The following RBL2 variants were observed in gnomAD, a reference collection of about 807,000 sequenced individuals.
RBL2 encodes the protein RB transcriptional corepressor like 2.
In RBL2, 56 loss-of-function variants were observed where a neutral mutation model predicts 126.0. That is an observed-to-expected ratio of 0.44 (90% confidence interval 0.36 to 0.56). The LOEUF (loss-of-function observed/expected upper bound fraction) is 0.56, where lower values mean the gene tolerates loss of function less well. RBL2 is among the 20% of genes least tolerant of loss of function. RBL2 has a pLI of 0.00. For missense variants in RBL2, 1,229 were observed against 1,398.2 expected, an observed-to-expected ratio of 0.88 and a Z score of 1.93; for synonymous variants, 454 against 478.5, an observed-to-expected ratio of 0.95 and a Z score of 0.67.
At position 53,479,167 on chromosome 16, in the gene RBL2, A is replaced by C. The variant is rs1394878860; in HGVS notation, c.2717A>C (p.Asp906Ala). The stretch of plus-strand genomic sequence containing the variant: ...ATTGTTTGCCAGGTCACAAAAGAAG[A>C]TAAGTCCTTCCAGAACATTATGCGT... ...IYVMAKVTKEDKSFQNIMRCY... is the reference protein window; with the variant it reads ...IYVMAKVTKEAKSFQNIMRCY... Residue 906 changes from aspartate (D) to alanine (A), a missense_variant, in exon 18 of 22, where the codon GAT becomes GCT. Transcript: ENST00000262133. 5 of 1,613,708 alleles carry C rather than the reference A, an allele frequency of 3.1e-6. No individual in the cohort carries two copies. The highest frequency in any genetic ancestry group is 4.2e-6 in the Non-Finnish European group (5 of 1,179,710).
chr16:53,485,853 A>G (rs1160454458), intron 21 of RBL2, among the ~76,000 whole-genome samples: 3 of 126,814 alleles, frequency 2.4e-5, no homozygotes, highest in Non-Finnish European at 5.2e-5. Flanking sequence ...GAGACCATCT[A>G]AAAAAAAACA....
intron 21 of RBL2, chr16:53,489,352 G>A (rs1167233798): frequency 6.6e-6 from 1 of 152,172 alleles, no homozygotes; most frequent in Non-Finnish European, 1.5e-5. Context: ...AGATATCTGT[G>A]AATTTGCTTA....
intron 17 of RBL2, among the ~76,000 whole-genome samples, chr16:53,477,099 C>T (rs1275085216): frequency 6.6e-6 from 1 of 151,574 alleles, no homozygotes; most frequent in Non-Finnish European, 1.5e-5. Flanking sequence ...TGCCCTAGGG[C>T]TTACCATATA....
At chr16:53,479,011 A>G (rs1224028727) in intron 17 of RBL2, 143 bp from the exon 18 acceptor site, 2 of 649,946 alleles carry the variant, frequency 3.1e-6, no homozygotes, top group East Asian at 5.3e-5. Flanking sequence ...CATTTGCTAT[A>G]TGCCGTTAAT....
chr16:53,467,291 AC>A, intron 14 of RBL2, 122 bp downstream of exon 14: 1 of 749,172 alleles, frequency 1.3e-6, no homozygotes, highest in Non-Finnish European at 2.2e-6. Context: ...GCATTTTTGT[AC>A]CACATGGATC....
intron 20 of RBL2, 184 bp from the exon 21 acceptor site, chr16:53,481,487 G>A: frequency 3.7e-6 from 2 of 546,972 alleles, no homozygotes; most frequent in Non-Finnish European, 6.2e-6. Flanking sequence ...ATAATAACTG[G>A]CACAAACTAA....
chr16:53,478,511 G>A (rs548450347), intron 17 of RBL2, among the ~76,000 whole-genome samples: 2 of 146,196 alleles, frequency 1.4e-5, no homozygotes, highest in African/African-American at 5.0e-5. Context: ...CTGTTCCTCA[G>A]ATCACACAAT....
In RBL2 at chr16:53,470,760, A is replaced by G. The variant is rs2150814697; in HGVS notation, c.2541A>G (p.Ala847=). 1 of 1,614,110 alleles carries G rather than the reference A, an allele frequency of 6.2e-7. No individual in the cohort carries two copies. Among genetic ancestry groups the G allele is most frequent in the Non-Finnish European group, 8.5e-7 (1 of 1,179,988 alleles). Residue 847 remains alanine, a synonymous_variant, in exon 17 of 22, where the codon GCA becomes GCG. Coordinates refer to ENST00000262133, the MANE Select transcript of RBL2 (RefSeq NM_005611.4). ...TTATCTCCTAGGTATACCATTTAGC[A>G]GCTGTCCGCCTTCGGGATCTCTGTG... is the stretch of plus-strand genomic sequence containing the variant. ...SLFFRKVYHL[A]AVRLRDLCAK...
intron 17 of RBL2, among the ~76,000 whole-genome samples, chr16:53,474,395 C>T (rs1960642670): frequency 6.6e-6 from 1 of 152,136 alleles, no homozygotes; most frequent in South Asian, 2.1e-4. Context: ...TGGCTCACCG[C>T]AACCTCCGCC....
intron 10 of RBL2, 25 bp downstream of exon 10, chr16:53,461,875 C>G: frequency 6.4e-7 from 1 of 1,560,604 alleles, no homozygotes; most frequent in Non-Finnish European, 8.8e-7. Context: ...TGTTATTCTG[C>G]TTTTATGTTT....
intron 17 of RBL2, among the ~76,000 whole-genome samples, chr16:53,474,292 C>A (rs1960636357): frequency 7.0e-6 from 1 of 142,954 alleles, no homozygotes; most frequent in Non-Finnish European, 1.5e-5. Context: ...CACCCGGCTG[C>A]TGTAATTCTT....
chr16:53,450,033 C>T lies in RBL2; in HGVS notation c.638-1670C>T, dbSNP rs72801827. On this transcript the variant is annotated intron_variant, in intron 4 of 21. Transcript: ENST00000262133. ...AGTTTAGGCTTGTTGGTGTGATGGGCTTTGTAGCTTGAAATCAGTAGGTGC... is the reference window on the plus strand; with the variant it reads ...AGTTTAGGCTTGTTGGTGTGATGGGTTTTGTAGCTTGAAATCAGTAGGTGC... 3.5e-3 allele frequency among the ~76,000 whole-genome samples: 483 copies of T among 136,292 alleles called. 2 individuals carry two copies. Among genetic ancestry groups the T allele is most frequent in the Non-Finnish European group, 5.1e-3 (334 of 65,652 alleles). The allele number at this position is 136,292 out of a possible 152,430, so 89.4% of individuals were successfully genotyped here.
chr16:53,476,284 T>A (rs1424881522), intron 17 of RBL2, among the ~76,000 whole-genome samples: 4 of 152,248 alleles, frequency 2.6e-5, no homozygotes, highest in Non-Finnish European at 5.9e-5. Flanking sequence ...AATATGTTGT[T>A]AACTTCGTAT....
At chr16:53,468,883 G>T (rs2058294291) in intron 14 of RBL2, among the ~76,000 whole-genome samples, 1 of 152,128 alleles carries the variant, frequency 6.6e-6, no homozygotes, top group African/African-American at 2.4e-5. Flanking sequence ...AGCCATAATG[G>T]GTTGTGTACC....
chr16:53,478,320 C>CT (rs909889746), intron 17 of RBL2, among the ~76,000 whole-genome samples: 1 of 152,080 alleles, frequency 6.6e-6, no homozygotes, highest in Non-Finnish European at 1.5e-5. Context: ...TGAGTTTATC[C>CT]TACCTGGAAG....
intron 3 of RBL2, 115 bp downstream of exon 3, chr16:53,442,973 T>A: frequency 1.2e-6 from 1 of 853,870 alleles, no homozygotes; most frequent in Non-Finnish European, 1.7e-6. Context: ...AAAAAATCTT[T>A]TTCCTCAGTC....
In RBL2 at chr16:53,470,875, A is replaced by G. The variant is rs2058317142; in HGVS notation, c.2656A>G (p.Arg886Gly). Residue 886 changes from arginine (R) to glycine (G), a missense_variant, in exon 17 of 22, where the codon AGA (arginine) becomes GGA (glycine). Arg to Gly is a moderately radical substitution (Grantham distance 125, BLOSUM62 -2). This residue lies in a region of RBL2 where 1,070 missense variants were observed against 1,274.3 expected (regional missense o/e 0.84). Coordinates refer to ENST00000262133, the MANE Select transcript of RBL2 (RefSeq NM_005611.4). ...IIQCPELMMD[R>G]HLDQLLMCAI... ...TCAGTGTCCTGAACTTATGATGGAC[A>G]GACATCTGGACCAGTTATTAATGTG... The G allele has an allele frequency of 1.9e-6, 3 of 1,614,182 alleles. No individual in the cohort carries two copies. The highest frequency in any genetic ancestry group is 2.5e-6 in the Non-Finnish European group (3 of 1,180,018).
intron 8 of RBL2, 67 bp from the exon 9 acceptor site, chr16:53,459,384 T>C: frequency 7.4e-7 from 1 of 1,353,138 alleles, no homozygotes; most frequent in Non-Finnish European, 1.0e-6. Context: ...AATTAAAGTC[T>C]TTCTGGCCTA....
chr16:53,463,083 C>T (rs1431447717), intron 11 of RBL2, among the ~76,000 whole-genome samples: 1 of 152,158 alleles, frequency 6.6e-6, no homozygotes, highest in Non-Finnish European at 1.5e-5. Flanking sequence ...TCAGGTGGTC[C>T]GCATGCCTTG....
Sources: allele counts gnomAD v4.1 joint callset (sites outside exome capture counted in the v4.1 genomes callset), GRCh38; gene constraint gnomAD v4.1.1; regional missense constraint gnomAD v4.1.1; transcripts MANE v1.5; gene names NCBI Gene and HGNC (gene_info 2026-07-23, HGNC 2026-07-21).